TP73: variants seen among roughly 807,000 people sequenced by gnomAD.
The protein encoded by TP73 is tumor protein p73.
Under a neutral mutation model 62.5 loss-of-function variants are expected in TP73, and 25 were observed. That is an observed-to-expected ratio of 0.40 (90% CI 0.29 to 0.56). The LOEUF is 0.56. Among genes scored for constraint, TP73 ranks in the 20% least tolerant of loss-of-function variants. The probability of loss-of-function intolerance (pLI) is 0.46; values close to 1 mark genes in which losing one functional copy is unlikely to be tolerated. For synonymous variants in TP73, 423 were observed against 377.5 expected, an observed-to-expected ratio of 1.12 and a Z score of -1.40; for missense variants, 754 against 913.3, an observed-to-expected ratio of 0.83 and a Z score of 2.25.
At chr1:3,675,565 G>C (rs1345110970) in intron 1 of TP73, among the ~76,000 whole-genome samples, 1 of 152,144 alleles carries the variant, frequency 6.6e-6, no homozygotes, top group African/African-American at 2.4e-5. Context: ...CAGTGTCCGG[G>C]ATGGCTGGGC....
intron 13 of TP73, 137 bp downstream of exon 13, chr1:3,731,693 G>T (rs1570655425): frequency 1.5e-5 from 12 of 778,632 alleles, no homozygotes; most frequent in South Asian, 5.1e-5. Context: ...CAGATGCGAT[G>T]ATTTGACTCT....
chr1:3,681,185 C>T (rs1051657172), intron 1 of TP73, among the ~76,000 whole-genome samples: 10 of 152,234 alleles, frequency 6.6e-5, no homozygotes, highest in African/African-American at 1.9e-4. Flanking sequence ...AGGACAAAAA[C>T]GACAGGTTCC....
At chr1:3,684,186 C>T (rs1005649857) in intron 3 of TP73, among the ~76,000 whole-genome samples, 1 of 152,238 alleles carries the variant, frequency 6.6e-6, no homozygotes, top group Non-Finnish European at 1.5e-5. Context: ...CCGCTGGACT[C>T]GTCAGCTGCT....
At position 3,708,785 on chromosome 1, in the gene TP73, G is replaced by C. The variant is rs138072975; in HGVS notation, c.429+994G>C. ...CCTGCACCGAGGAGGGGGCAAGTGA[G>C]CCCTGCCTGGGCACCCAGGCCATGG... On this transcript the variant is annotated intron_variant, in intron 4 of 13. Coordinates refer to ENST00000378295, the MANE Select transcript of TP73 (RefSeq NM_005427.4). Among the ~76,000 whole-genome samples the C allele has an allele frequency of 3.9e-3, 591 of 152,262 alleles. 5 individuals carry two copies. The highest frequency in any genetic ancestry group is 0.013 in the African/African-American group (557 of 41,550).
rs1459114996 is a variant in TP73, at chr1:3,733,080, G to C, written c.*1G>C. ...GTTCACGGAGGCCGAGATCCACTGA[G>C]GGCCTCGCCTGGCTGCAGCCTGCGC... On this transcript the variant is annotated 3_prime_UTR_variant, in exon 14 of 14. Coordinates refer to ENST00000378295, the MANE Select transcript of TP73 (RefSeq NM_005427.4). The C allele has an allele frequency of 3.3e-6, 5 of 1,527,576 alleles. No homozygotes were observed. The highest frequency in any genetic ancestry group is 3.5e-6 in the Non-Finnish European group (4 of 1,139,748). The allele number at this position is 1,527,576 out of a possible 1,614,324, so 94.6% of individuals were successfully genotyped here. A position where few individuals can be genotyped will look rare whatever the true frequency, so the allele number is the denominator to read the frequency against.
At chr1:3,692,721 C>G (rs1441331172) in intron 3 of TP73, among the ~76,000 whole-genome samples, 1 of 152,104 alleles carries the variant, frequency 6.6e-6, no homozygotes, top group Non-Finnish European at 1.5e-5. Flanking sequence ...GCCTGGGGAC[C>G]TGGGGGACTC....
intron 12 of TP73, 99 bp downstream of exon 12, chr1:3,731,164 C>A (rs1642109782): frequency 6.7e-7 from 1 of 1,484,360 alleles, no homozygotes; most frequent in Non-Finnish European, 9.1e-7. Flanking sequence ...CCTGTGTGCT[C>A]ACCACTCGCA....
chr1:3,720,068 G>A lies in TP73; in HGVS notation c.430-1953G>A, dbSNP rs144598703. Among the ~76,000 whole-genome samples the A allele has an allele frequency of 6.6e-3, 1,001 of 152,164 alleles. 2 individuals are homozygous for A. Among genetic ancestry groups the A allele is most frequent in the Non-Finnish European group, 0.01 (681 of 67,984 alleles). ...TTCCTGAGTAGCTGGGACTACAGGC[G>A]CCCGCCACCTTGCCTGGCTAATATT... is the stretch of plus-strand genomic sequence containing the variant. On this transcript the variant is annotated intron_variant, in intron 4 of 13. Transcript: ENST00000378295.
rs1477736364 is a variant in TP73 at position 3,733,875 on chromosome 1, T to C, written c.*796T>C. 1 of 151,268 alleles carries C rather than the reference T, an allele frequency of 6.6e-6. No individual in the cohort carries two copies. The highest frequency in any genetic ancestry group is 1.5e-5 in the Non-Finnish European group (1 of 67,902). 9.4% of individuals were successfully genotyped at this position (151,268 alleles called of 1,614,324 possible). On this transcript the variant is annotated 3_prime_UTR_variant, in exon 14 of 14. Coordinates refer to ENST00000378295, the MANE Select transcript of TP73 (RefSeq NM_005427.4). ...CCTGTCCTTAGAGGACTGGAAATTGTCAATATTTGATAAAATGATACCCTT... is the reference window on the plus strand; with the variant it reads ...CCTGTCCTTAGAGGACTGGAAATTGCCAATATTTGATAAAATGATACCCTT...
intron 1 of TP73, among the ~76,000 whole-genome samples, chr1:3,657,479 C>G (rs1253806623): frequency 6.6e-6 from 1 of 152,258 alleles, no homozygotes; most frequent in Non-Finnish European, 1.5e-5. Flanking sequence ...TAAGTGGCAT[C>G]TGCAAAGACC....
intron 10 of TP73, 143 bp downstream of exon 10, chr1:3,729,591 C>T (rs1455781913): frequency 7.0e-7 from 1 of 1,423,970 alleles, no homozygotes; most frequent in Non-Finnish European, 9.7e-7. Context: ...GAGCCCACCC[C>T]ACATCTCCTC....
chr1:3,686,352 C>T (rs550610232), intron 3 of TP73, among the ~76,000 whole-genome samples: 66 of 152,298 alleles, frequency 4.3e-4, no homozygotes, highest in Admixed American at 9.8e-4. Flanking sequence ...GGGAGACAGG[C>T]GGAGCAGGTG....
chr1:3,705,741 C>T (rs1211872709), intron 3 of TP73, among the ~76,000 whole-genome samples: 4 of 152,234 alleles, frequency 2.6e-5, no homozygotes, highest in Admixed American at 6.5e-5. Flanking sequence ...CCACGTTGGA[C>T]TGCACTCAGT....
intron 3 of TP73, among the ~76,000 whole-genome samples, chr1:3,703,213 C>A (rs1426408203): frequency 1.3e-5 from 2 of 152,204 alleles, no homozygotes; most frequent in African/African-American, 2.4e-5. Context: ...GCAGGGCCAG[C>A]GTGCAGGGAG....
At position 3,696,824 on chromosome 1, in the gene TP73, G is replaced by C. The variant is rs972810232; in HGVS notation, c.187-10725G>C. ...GGAGGGACCAGTTGTCCTAACTGGA[G>C]ATCCAGGGATCAGAGGAGCCACCCC... On this transcript the variant is annotated intron_variant, in intron 3 of 13. Coordinates refer to ENST00000378295, the MANE Select transcript of TP73 (RefSeq NM_005427.4). The surrounding 1 kb of genome is among the most constrained non-coding windows in gnomAD (Gnocchi z 4.1). 6.6e-6 allele frequency among the ~76,000 whole-genome samples: 1 copy of C among 152,152 alleles called. No homozygotes were observed. Among genetic ancestry groups the C allele is most frequent in the Non-Finnish European group, 1.5e-5 (1 of 68,016 alleles).
At chr1:3,682,484 C>G in intron 2 of TP73, 54 bp downstream of exon 2, 1 of 1,401,116 alleles carries the variant, frequency 7.1e-7, no homozygotes, top group Non-Finnish European at 9.5e-7. Flanking sequence ...GCACTCTGGG[C>G]TAGCCTCAGC....
rs1304877985 is a variant in TP73, at chr1:3,704,283, G to A, written c.187-3266G>A. On this transcript the variant is annotated intron_variant, in intron 3 of 13. Coordinates refer to ENST00000378295, the MANE Select transcript of TP73 (RefSeq NM_005427.4). ...CCCGTAACTGTGATCGTTTCAGCCT[G>A]TAATCAGTAGGAAATGGTGAGCGAG... 4.6e-5 allele frequency among the ~76,000 whole-genome samples: 7 copies of A among 152,222 alleles called. No homozygotes were observed. The South Asian group carries it at 1.4e-3, about 31-fold the overall frequency.
intron 6 of TP73, among the ~76,000 whole-genome samples, chr1:3,725,179 G>C (rs1641402918): frequency 6.6e-6 from 1 of 152,104 alleles, no homozygotes; most frequent in Non-Finnish European, 1.5e-5. Context: ...CACAAAATCT[G>C]TGCAGGCACA....
At chr1:3,694,895 A>C (rs111579106) in intron 3 of TP73, among the ~76,000 whole-genome samples, 61 of 44,642 alleles carry the variant, frequency 1.4e-3, no homozygotes, top group Non-Finnish European at 2.2e-3. Context: ...AATCCCACCC[A>C]TGCATCTTCA....
Sources: gnomAD v4.1 joint callset for allele counts (sites outside exome capture counted in the v4.1 genomes callset) on GRCh38, gnomAD v4.1.1 for gene constraint, Gnocchi (gnomAD v3.1) non-coding constraint, MANE v1.5 for transcripts, NCBI Gene and HGNC (gene_info 2026-07-23, HGNC 2026-07-21) for gene names.